Variants in BFSP1 observed in about 807,000 individuals in gnomAD.
The protein encoded by BFSP1 is beaded filament structural protein 1.
A neutral mutation model predicts 43.9 loss-of-function variants in BFSP1; 38 were observed. The ratio of observed to expected loss-of-function variants is 0.87; its 90% CI spans 0.67 to 1.14. BFSP1 has a LOEUF of 1.14. BFSP1 is among the 50% of genes most tolerant of loss of function. The pLI is 0.00. For missense variants in BFSP1, 850 were observed against 875.1 expected (o/e 0.97, Z 0.36); for synonymous variants, 352 against 354.8 (o/e 0.99, Z 0.09).
At chr20:17,558,778 C>T in exon 1 of BFSP1, 1 of 1,539,488 alleles carries the variant, frequency 6.5e-7, no homozygotes, top group South Asian at 1.2e-5. Flanking sequence ...CTGAGGTACC[C>T]TGCCTACCCA....
Position 17,545,524 on chromosome 20 carries a change from C to T in BFSP1, c.2+13164G>A, listed in dbSNP as rs73092215. On this transcript the variant is annotated intron_variant, in intron 1 of 7. Transcript: ENST00000377868. ...CTGTAATCCCAACACTTTGAAAGGC[C>T]AAGGTGTTAGAGAAGCAGGAGCCTA... 1.8e-3 allele frequency among the ~76,000 whole-genome samples: 268 copies of T among 152,288 alleles called. 2 individuals are homozygous for T. The highest frequency in any genetic ancestry group is 2.2e-3 in the Non-Finnish European group (148 of 68,026).
At position 17,507,095 on chromosome 20, in the gene BFSP1, A is replaced by C. The variant is rs2033954941; in HGVS notation, c.735+1794T>G. On this transcript the variant is annotated intron_variant, in intron 5 of 7. Transcript: ENST00000377873. This position sits in a 1 kb window ranked among gnomAD's most constrained non-coding sequence, Gnocchi z 4.4. ...GTGAAATTTCTTATTTTGATATTCAACAAATACCTGTACATAAAGAGAGGA... is the reference window on the plus strand; with the variant it reads ...GTGAAATTTCTTATTTTGATATTCACCAAATACCTGTACATAAAGAGAGGA... 6.6e-6 allele frequency: 1 copy of C among 152,218 alleles called. No individual in the cohort carries two copies. Among genetic ancestry groups the C allele is most frequent in the Non-Finnish European group, 1.5e-5 (1 of 68,044 alleles). 9.4% of individuals were successfully genotyped at this position (152,218 alleles called of 1,614,324 possible). A position where few individuals can be genotyped will look rare whatever the true frequency, so the allele number is the denominator to read the frequency against.
At chr20:17,541,441 C>A (rs566998559) in intron 1 of BFSP1, among the ~76,000 whole-genome samples, 17 of 152,276 alleles carry the variant, frequency 1.1e-4, no homozygotes, top group Admixed American at 1.0e-3. Flanking sequence ...TTGAAATTTA[C>A]TTTGCTGTCT....
intron 1 of BFSP1, among the ~76,000 whole-genome samples, chr20:17,553,840 C>CATATATATATAT (rs201771585): frequency 9.2e-6 from 1 of 108,524 alleles, no homozygotes; most frequent in Non-Finnish European, 1.8e-5. Context: ...TATATATACA[C>CATATATATATAT]ATATATATAC....
At chr20:17,551,399 G>A (rs773587922) in intron 1 of BFSP1, among the ~76,000 whole-genome samples, 1 of 152,112 alleles carries the variant, frequency 6.6e-6, no homozygotes, top group Non-Finnish European at 1.5e-5. Flanking sequence ...CCAGGGAGAA[G>A]GCGCTAAGCC....
At chr20:17,496,427 G>T (rs1398379484) in intron 7 of BFSP1, among the ~76,000 whole-genome samples, 1 of 152,210 alleles carries the variant, frequency 6.6e-6, no homozygotes, top group Non-Finnish European at 1.5e-5. Flanking sequence ...TACCAGCCAA[G>T]CTGTTTCTGC....
chr20:17,539,941 C>G (rs1301483916), intron 1 of BFSP1, among the ~76,000 whole-genome samples: 1 of 152,062 alleles, frequency 6.6e-6, no homozygotes, highest in Non-Finnish European at 1.5e-5. Context: ...GGGGGGACAA[C>G]AATAGTGCAA....
At chr20:17,538,051 G>A (rs1404933403) in intron 1 of BFSP1, among the ~76,000 whole-genome samples, 5 of 151,972 alleles carry the variant, frequency 3.3e-5, no homozygotes, top group Admixed American at 1.3e-4. Flanking sequence ...AGCCTGGGAG[G>A]CAGAGGTTGC....
At chr20:17,556,251 C>T (rs2034988535) in intron 1 of BFSP1, among the ~76,000 whole-genome samples, 1 of 151,990 alleles carries the variant, frequency 6.6e-6, no homozygotes, top group South Asian at 2.1e-4. Context: ...GCCTGTAACC[C>T]CAGCACTTTT....
At chr20:17,502,423 G>A (rs768917876) in intron 5 of BFSP1, among the ~76,000 whole-genome samples, 1 of 152,172 alleles carries the variant, frequency 6.6e-6, no homozygotes, top group Non-Finnish European at 1.5e-5. Context: ...AAAGCATCAC[G>A]GTCATGGAAG....
At chr20:17,553,536 A>T (rs2034929426) in intron 1 of BFSP1, among the ~76,000 whole-genome samples, 1 of 152,096 alleles carries the variant, frequency 6.6e-6, no homozygotes. Flanking sequence ...CTTATGGAGC[A>T]GATATTCTAT....
chr20:17,528,457 C>A (rs1036859206), intron 1 of BFSP1, among the ~76,000 whole-genome samples: 1 of 152,216 alleles, frequency 6.6e-6, no homozygotes, highest in Admixed American at 6.5e-5. Flanking sequence ...TCTTGATGGT[C>A]CATCAAGCTG....
At chr20:17,537,771 T>C (rs2123553416) in intron 1 of BFSP1, among the ~76,000 whole-genome samples, 1 of 152,166 alleles carries the variant, frequency 6.6e-6, no homozygotes, top group South Asian at 2.1e-4. Context: ...TTGATAAAAA[T>C]ATTGTAACAG....
chr20:17,506,202 C>T (rs1279731901), intron 5 of BFSP1, among the ~76,000 whole-genome samples: 1 of 152,196 alleles, frequency 6.6e-6, no homozygotes, highest in Non-Finnish European at 1.5e-5. Context: ...GGTCCTCACT[C>T]CTGCCAAGAA....
chr20:17,539,510 G>A (rs144769728), intron 1 of BFSP1, among the ~76,000 whole-genome samples: 1,730 of 152,200 alleles, frequency 0.011, 13 homozygotes, highest in Middle Eastern at 0.051. Flanking sequence ...ACTTTGGGAG[G>A]CTGAGGCAGG....
At chr20:17,508,218 G>A (rs1213578211) in intron 5 of BFSP1, among the ~76,000 whole-genome samples, 1 of 148,002 alleles carries the variant, frequency 6.8e-6, no homozygotes, top group Non-Finnish European at 1.5e-5. Context: ...CTGCTGTAGG[G>A]TAATGAGAAA....
chr20:17,509,679 T>C (rs1444039717), intron 4 of BFSP1, among the ~76,000 whole-genome samples: 1 of 152,124 alleles, frequency 6.6e-6, no homozygotes. Context: ...TGAAGGCTGG[T>C]TGGAGCCGCG....
chr20:17,557,652 CTT>C (rs2035015274), intron 1 of BFSP1, among the ~76,000 whole-genome samples: 1 of 152,214 alleles, frequency 6.6e-6, no homozygotes, highest in African/African-American at 2.4e-5. Context: ...CTAACAGTCT[CTT>C]TTGCTGTTTT....
At chr20:17,529,064 AGTGTGT>A (rs11473581) in intron 1 of BFSP1, among the ~76,000 whole-genome samples, 257 of 147,204 alleles carry the variant, frequency 1.7e-3, no homozygotes, top group Non-Finnish European at 3.1e-3. Context: ...TGGTTAAATA[AGTGTGT>A]GTGTGTGTGT....
Sources: gnomAD v4.1 joint callset for allele counts (sites outside exome capture counted in the v4.1 genomes callset) on GRCh38, gnomAD v4.1.1 for gene constraint, Gnocchi (gnomAD v3.1) non-coding constraint, MANE v1.5 for transcripts, NCBI Gene and HGNC (gene_info 2026-07-23, HGNC 2026-07-21) for gene names.